OPA3: variants seen among roughly 807,000 people sequenced by gnomAD.
OPA3 encodes the protein optic atrophy 3 protein.
A neutral mutation model predicts 4.0 loss-of-function variants in OPA3; 6 were observed. The ratio of observed to expected loss-of-function variants is 1.51; its 90% CI spans 0.83 to 2.99. The LOEUF is 2.99. OPA3 is among the 30% of genes most tolerant of loss of function. The probability of loss-of-function intolerance (pLI) is 0.00; values close to 1 mark genes in which losing one functional copy is unlikely to be tolerated. For synonymous variants in OPA3, 105 were observed against 117.1 expected, an observed-to-expected ratio of 0.90 and a Z score of 0.67; for missense variants, 235 against 256.2, an observed-to-expected ratio of 0.92 and a Z score of 0.56.
At position 45,549,590 on chromosome 19, in the gene OPA3, C is replaced by T. The variant is rs989767343; in HGVS notation, c.*3924G>A. The T allele has an allele frequency of 2.0e-5, 16 of 807,176 alleles. No homozygotes were observed. The highest frequency in any genetic ancestry group is 9.3e-5 in the African/African-American group (5 of 53,498). The allele number at this position is 807,176 out of a possible 1,614,324, so 50.0% of individuals were successfully genotyped here. On this transcript the variant is annotated 3_prime_UTR_variant, in exon 2 of 2. Transcript: ENST00000263275. ...CCACCTCCTGGGTTCAAGCAATTCT[C>T]GTGCCTCAGCCTCCCGAGTAGCTGG... is the stretch of plus-strand genomic sequence containing the variant.
chr19:45,545,987 TA>T (rs1347994978), downstream of OPA3, among the ~76,000 whole-genome samples: 1 of 152,100 alleles, frequency 6.6e-6, no homozygotes, highest in Non-Finnish European at 1.5e-5. Context: ...ATGCTGGGAT[TA>T]CAGGTGTGAC....
At chr19:45,580,288 C>T (rs973222600) in intron 1 of OPA3, among the ~76,000 whole-genome samples, 1 of 146,446 alleles carries the variant, frequency 6.8e-6, no homozygotes, top group Non-Finnish European at 1.5e-5. Context: ...GCCACTGCAC[C>T]CGGCCTTTTT....
chr19:45,529,865 C>T (rs183129850), intron 1 of OPA3, among the ~76,000 whole-genome samples: 5 of 151,934 alleles, frequency 3.3e-5, no homozygotes, highest in Admixed American at 6.6e-5. Context: ...TCCAGAGTAG[C>T]TGGGACAACG....
intron 1 of OPA3, among the ~76,000 whole-genome samples, chr19:45,534,921 G>A (rs1969100286): frequency 6.6e-6 from 1 of 152,160 alleles, no homozygotes; most frequent in Non-Finnish European, 1.5e-5. Context: ...GTGAGTCACT[G>A]CATCCAGCCT....
At chr19:45,584,529 T>G in intron 1 of OPA3, 94 bp downstream of exon 1, 1 of 1,594,784 alleles carries the variant, frequency 6.3e-7, no homozygotes, top group Non-Finnish European at 8.6e-7. Flanking sequence ...GTTCGGGCTG[T>G]GATTGGTCGT....
rs1017970148 is a variant in OPA3 at position 45,547,728 on chromosome 19, G to C, written c.*5786C>G. The C allele has an allele frequency of 2.0e-5, 3 of 151,692 alleles. No individual in the cohort carries two copies. Among genetic ancestry groups the C allele is most frequent in the Non-Finnish European group, 4.4e-5 (3 of 68,098 alleles). The allele number at this position is 151,692 out of a possible 1,614,324, so 9.4% of individuals were successfully genotyped here. On this transcript the variant is annotated 3_prime_UTR_variant, in exon 2 of 2. Coordinates refer to ENST00000263275, the MANE Select transcript of OPA3 (RefSeq NM_025136.4). ...CCTTTTTTTTTTGAGATGGAGTCTC[G>C]TTCTTGTTGCCCAGGCTGGAGTGCA...
Position 45,549,269 on chromosome 19 carries a change from G to A in OPA3, c.*4245C>T. On this transcript the variant is annotated 3_prime_UTR_variant, in exon 2 of 2. Transcript: ENST00000263275. ...TCCTCTGGCCTCTTGCATTTTGAGA[G>A]GACGTTCTTTCCACTTCCACACACT... 1.0e-6 allele frequency: 1 copy of A among 985,372 alleles called. No homozygotes were observed. Among genetic ancestry groups the A allele is most frequent in the Non-Finnish European group, 1.2e-6 (1 of 829,950 alleles). 61.0% of individuals were successfully genotyped at this position (985,372 alleles called of 1,614,324 possible). A position where few individuals can be genotyped will look rare whatever the true frequency, so the allele number is the denominator to read the frequency against.
At chr19:45,559,623 G>A (rs1443636232) in intron 1 of OPA3, among the ~76,000 whole-genome samples, 1 of 150,702 alleles carries the variant, frequency 6.6e-6, no homozygotes, top group African/African-American at 2.4e-5. Context: ...GGCTGGTCTC[G>A]AACTCCTGAC....
intron 1 of OPA3, among the ~76,000 whole-genome samples, chr19:45,534,124 G>C (rs980242188): frequency 1.9e-4 from 29 of 152,180 alleles, no homozygotes; most frequent in African/African-American, 7.0e-4. Flanking sequence ...GAAAACACTT[G>C]TAATGTTATC....
intron 1 of OPA3, among the ~76,000 whole-genome samples, chr19:45,562,514 C>A (rs1042851821): frequency 5.2e-5 from 7 of 134,152 alleles, no homozygotes; most frequent in African/African-American, 2.0e-4. Context: ...CATGATGAAA[C>A]CCTGTCTCTA....
chr19:45,564,846 T>A (rs1380911865), intron 1 of OPA3, among the ~76,000 whole-genome samples: 1 of 152,236 alleles, frequency 6.6e-6, no homozygotes, highest in Admixed American at 6.5e-5. Flanking sequence ...GTGACTTTTT[T>A]ATGCTCAAAT....
chr19:45,550,956 G>C lies in OPA3; in HGVS notation c.*2558C>G. 5.1e-6 allele frequency: 5 copies of C among 985,568 alleles called. No individual in the cohort carries two copies. Among genetic ancestry groups the C allele is most frequent in the Non-Finnish European group, 6.0e-6 (5 of 830,028 alleles). The allele number at this position is 985,568 out of a possible 1,614,324, so 61.1% of individuals were successfully genotyped here. A position where few individuals can be genotyped will look rare whatever the true frequency, so the allele number is the denominator to read the frequency against. On this transcript the variant is annotated 3_prime_UTR_variant, in exon 2 of 2. Coordinates refer to ENST00000263275, the MANE Select transcript of OPA3 (RefSeq NM_025136.4). ...GCCAAATGGCCCGCGGGGTTGGCAG[G>C]AGTCCCAGGGTACTTTTTTTCTGAG... is the stretch of plus-strand genomic sequence containing the variant.
chr19:45,578,061 C>T lies in OPA3; in HGVS notation c.142+6562G>A, dbSNP rs548329146. Among the ~76,000 whole-genome samples, 29 of 152,258 alleles carry T rather than the reference C, an allele frequency of 1.9e-4. 1 individual carries two copies. The highest frequency in any genetic ancestry group is 7.0e-4 in the African/African-American group (29 of 41,554). ...AAAAGAGATCTAACTTGACTGACTCCATCTTACTTCCAACCTCCAAGCTGT... is the reference window on the plus strand; with the variant it reads ...AAAAGAGATCTAACTTGACTGACTCTATCTTACTTCCAACCTCCAAGCTGT... On this transcript the variant is annotated intron_variant, in intron 1 of 1. Coordinates refer to ENST00000263275, the MANE Select transcript of OPA3 (RefSeq NM_025136.4).
intron 1 of OPA3, among the ~76,000 whole-genome samples, chr19:45,573,937 C>T (rs574010312): frequency 1.6e-3 from 251 of 152,216 alleles, no homozygotes; most frequent in Non-Finnish European, 2.8e-3. Flanking sequence ...CCACAGCGGG[C>T]GGATCACTTG....
At position 45,575,629 on chromosome 19, in the gene OPA3, C is replaced by G. The variant is rs552064060; in HGVS notation, c.142+8994G>C. On this transcript the variant is annotated intron_variant, in intron 1 of 1. Transcript: ENST00000263275. ...CACAAATTATTATTATTATTTGAGA[C>G]AGGGTCTTGCTCTGTCACCCAGGCT... is the stretch of plus-strand genomic sequence containing the variant. Among the ~76,000 whole-genome samples, 6 of 152,188 alleles carry G rather than the reference C, an allele frequency of 3.9e-5. No individual in the cohort carries two copies. In the South Asian group the frequency reaches 1.2e-3, roughly 32 times the overall value.
chr19:45,561,756 T>C (rs1033245141), intron 1 of OPA3, among the ~76,000 whole-genome samples: 1 of 151,706 alleles, frequency 6.6e-6, no homozygotes, highest in African/African-American at 2.4e-5. Context: ...GCCTGACCAA[T>C]ATGGTGAAAC....
At chr19:45,534,560 CAAAAAAAAA>C (rs71173177) in intron 1 of OPA3, among the ~76,000 whole-genome samples, 1 of 54,980 alleles carries the variant, frequency 1.8e-5, no homozygotes, top group Non-Finnish European at 3.1e-5. Flanking sequence ...AACTCTGTCC[CAAAAAAAAA>C]AAAAAAAAAA....
chr19:45,576,628 T>G (rs1036735909), intron 1 of OPA3, among the ~76,000 whole-genome samples: 6 of 151,028 alleles, frequency 4.0e-5, no homozygotes, highest in Non-Finnish European at 4.4e-5. Context: ...AAGTCTCCAG[T>G]GGAGAATCCA....
At chr19:45,559,107 C>T (rs563988097) in intron 1 of OPA3, among the ~76,000 whole-genome samples, 2 of 152,264 alleles carry the variant, frequency 1.3e-5, no homozygotes, top group South Asian at 4.1e-4. Flanking sequence ...TGGTCTCAAA[C>T]TCCTGACCTC....
Sources: allele counts gnomAD v4.1 joint callset (sites outside exome capture counted in the v4.1 genomes callset), GRCh38; gene constraint gnomAD v4.1.1; transcripts MANE v1.5; gene names NCBI Gene and HGNC (gene_info 2026-07-23, HGNC 2026-07-21).